PIEZO2: variants seen among roughly 807,000 people sequenced by gnomAD.
PIEZO2 encodes the protein piezo-type mechanosensitive ion channel component 2.
A neutral mutation model predicts 337.3 loss-of-function variants in PIEZO2; 172 were observed. The ratio of observed to expected loss-of-function variants is 0.51; its 90% CI spans 0.45 to 0.58. The LOEUF is 0.58. Among genes scored for constraint, PIEZO2 ranks in the 20% least tolerant of loss-of-function variants. PIEZO2 has a pLI of 0.00. For missense variants in PIEZO2, 3,028 were observed against 3,391.3 expected (o/e 0.89, Z 2.66); for synonymous variants, 1,251 against 1,228.5 (o/e 1.02, Z -0.38).
chr18:11,025,711 G>A (rs2036516835), intron 2 of PIEZO2, among the ~76,000 whole-genome samples: 1 of 152,180 alleles, frequency 6.6e-6, no homozygotes, highest in Non-Finnish European at 1.5e-5. Context: ...GACACAGATA[G>A]GGGAAGAGGC....
rs2041830703 is a variant in PIEZO2 at position 10,859,977 on chromosome 18, A to G, written c.493-2766T>C. ...GAAGTTTAAAGTGGGGAGGAAGGAT[A>G]GATGATAATCAGGGTAGCTCCTCTA... On this transcript the variant is annotated intron_variant, in intron 5 of 55. Coordinates refer to ENST00000674853, the MANE Select transcript of PIEZO2 (RefSeq NM_001378183.1). The surrounding 1 kb of genome is among the most constrained non-coding windows in gnomAD (Gnocchi z 4.9). 6.6e-6 allele frequency among the ~76,000 whole-genome samples: 1 copy of G among 152,176 alleles called. No homozygotes were observed. The highest frequency in any genetic ancestry group is 2.1e-4 in the South Asian group (1 of 4,836).
intron 4 of PIEZO2, among the ~76,000 whole-genome samples, chr18:10,886,511 T>TATATA (rs2042613445): frequency 1.7e-5 from 2 of 118,364 alleles, no homozygotes; most frequent in East Asian, 2.3e-4. Flanking sequence ...CATATACACA[T>TATATA]TATATATATA....
chr18:10,809,523 C>T (rs960713971), intron 7 of PIEZO2, among the ~76,000 whole-genome samples: 14 of 151,454 alleles, frequency 9.2e-5, no homozygotes, highest in Admixed American at 1.3e-4. Flanking sequence ...CCACCTTGGC[C>T]TCCCAAAGTG....
intron 3 of PIEZO2, among the ~76,000 whole-genome samples, chr18:10,968,900 C>T (rs908435942): frequency 1.3e-5 from 2 of 152,102 alleles, no homozygotes; most frequent in Admixed American, 6.5e-5. Context: ...CTTCTAGATG[C>T]CTAAATTATA....
chr18:10,997,795 A>G (rs980769338), intron 2 of PIEZO2, among the ~76,000 whole-genome samples: 13 of 152,192 alleles, frequency 8.5e-5, no homozygotes, highest in Non-Finnish European at 1.5e-4. Context: ...AAAAAGGTCT[A>G]TCATTTGCAT....
intron 47 of PIEZO2, 113 bp from the exon 48 acceptor site, chr18:10,691,496 C>A: frequency 8.9e-7 from 1 of 1,118,128 alleles, no homozygotes; most frequent in South Asian, 1.6e-5. Flanking sequence ...ATCATTCCAA[C>A]TCAATTCTAA....
In PIEZO2 at chr18:11,002,557, CA is replaced by C. The variant is rs567250329; in HGVS notation, c.161-22898del. On this transcript the variant is annotated intron_variant, in intron 2 of 55. Transcript: ENST00000674853. The surrounding 1 kb of genome is among the most constrained non-coding windows in gnomAD (Gnocchi z 4.3). ...AGCTCCCTGGAGAAGACCCCACACA[CA>C]CTTTCACTTTCTCTAATTTCACCAT... Among the ~76,000 whole-genome samples the C allele has an allele frequency of 1.1e-3, 166 of 152,348 alleles. No homozygotes were observed. The highest frequency in any genetic ancestry group is 3.8e-3 in the African/African-American group (159 of 41,596).
intron 14 of PIEZO2, 118 bp from the exon 15 acceptor site, chr18:10,789,483 G>T: frequency 8.2e-7 from 1 of 1,218,036 alleles, no homozygotes; most frequent in South Asian, 1.7e-5. Flanking sequence ...GTATAATTTG[G>T]ATGATTTTAG....
Position 10,736,627 on chromosome 18 carries a change from G to T in PIEZO2, c.4792C>A (p.Pro1598Thr), listed in dbSNP as rs2037006423. The T allele has an allele frequency of 6.5e-7, 1 of 1,537,110 alleles. No homozygotes were observed. Among genetic ancestry groups the T allele is most frequent in the Non-Finnish European group, 8.7e-7 (1 of 1,146,856 alleles). Residue 1598 changes from proline to threonine, a missense_variant, in exon 34 of 56, where the codon CCT (proline) becomes ACT (threonine). By Grantham distance (38) the Pro-to-Thr change is conservative (BLOSUM62 -1). Transcript: ENST00000674853. ...EEELKKEDEEPPRRSAFQRAI... is the reference protein window; with the variant it reads ...EEELKKEDEETPRRSAFQRAI... ...ACCTGGAATGCTGACCTTCGTGGAG[G>T]TTCTTCATCTTCCTTCTTTAATTCT...
intron 4 of PIEZO2, among the ~76,000 whole-genome samples, chr18:10,905,348 C>T (rs779779334): frequency 2.3e-4 from 35 of 152,158 alleles, no homozygotes; most frequent in Non-Finnish European, 4.6e-4. Flanking sequence ...TTTTGGGAGG[C>T]GGAGGTGGGT....
At chr18:10,734,807 T>C (rs6505587) in intron 35 of PIEZO2, among the ~76,000 whole-genome samples, 124,778 of 151,964 alleles carry the variant, frequency 0.82, 51,603 homozygotes, top group African/African-American at 0.92. Flanking sequence ...GGGACCCGAA[T>C]GAGAGACGGA....
chr18:10,919,223 T>A (rs1482599202), intron 3 of PIEZO2, among the ~76,000 whole-genome samples: 1 of 152,106 alleles, frequency 6.6e-6, no homozygotes, highest in Non-Finnish European at 1.5e-5. Flanking sequence ...CATTGTCTAT[T>A]AGATGTTTGT....
In PIEZO2 at chr18:10,752,850, A is replaced by G. The variant is rs754312134; in HGVS notation, c.3953T>C (p.Ile1318Thr). 9.8e-6 allele frequency: 15 copies of G among 1,536,966 alleles called. No individual in the cohort carries two copies. In the Admixed American group the frequency reaches 2.4e-4, roughly 24 times the overall value. ...RSYLDMSKVI[I>T]FSYLFWFVLT... ...CACAAACCAGAAGAGGTAGCTGAAGATGATCACTTTGGACATGTCTAAGTA... is the reference window on the plus strand; with the variant it reads ...CACAAACCAGAAGAGGTAGCTGAAGGTGATCACTTTGGACATGTCTAAGTA... Residue 1318 changes from isoleucine (I) to threonine (T), a missense_variant, in exon 28 of 56, where the codon ATC (isoleucine) becomes ACC (threonine). Ile to Thr is a moderately conservative substitution (Grantham distance 89). This residue lies in a region of PIEZO2 where 1,925 missense variants were observed against 2,051.9 expected (regional missense o/e 0.94). Coordinates refer to ENST00000674853, the MANE Select transcript of PIEZO2 (RefSeq NM_001378183.1).
chr18:10,936,872 G>A (rs1000067072), intron 3 of PIEZO2, among the ~76,000 whole-genome samples: 3 of 152,190 alleles, frequency 2.0e-5, no homozygotes, highest in Admixed American at 6.5e-5. Flanking sequence ...CAGGAATCCT[G>A]CAGTGAAACC....
At chr18:10,712,456 A>C (rs1398861635) in intron 39 of PIEZO2, among the ~76,000 whole-genome samples, 1 of 152,280 alleles carries the variant, frequency 6.6e-6, no homozygotes, top group East Asian at 1.9e-4. Context: ...TGTTGCAATA[A>C]GAATGAATTT....
At chr18:10,851,621 G>A (rs1198869815) in intron 7 of PIEZO2, among the ~76,000 whole-genome samples, 2 of 152,092 alleles carry the variant, frequency 1.3e-5, no homozygotes, top group Non-Finnish European at 1.5e-5. Flanking sequence ...GCTTGTTTTG[G>A]TGCCATGTAT....
intron 49 of PIEZO2, among the ~76,000 whole-genome samples, chr18:10,687,913 A>G (rs1330541229): frequency 2.6e-5 from 4 of 152,242 alleles, no homozygotes; most frequent in Non-Finnish European, 5.9e-5. Context: ...AAGACTATCC[A>G]GTGGAGCCCA....
intron 2 of PIEZO2, among the ~76,000 whole-genome samples, chr18:10,991,781 T>C (rs1342189392): frequency 6.6e-6 from 1 of 152,196 alleles, no homozygotes; most frequent in African/African-American, 2.4e-5. Flanking sequence ...TATTTCTAGT[T>C]CTAGATCCTT....
At chr18:10,730,947 CGATCTCCTGACCTCGT>C (rs2036745183) in intron 36 of PIEZO2, among the ~76,000 whole-genome samples, 1 of 151,986 alleles carries the variant, frequency 6.6e-6, no homozygotes, top group South Asian at 2.1e-4. Context: ...AGGATGGTCT[CGATCTCCTGACCTCGT>C]GATCCACTCG....
Sources: gnomAD v4.1 joint callset for allele counts (sites outside exome capture counted in the v4.1 genomes callset) on GRCh38, gnomAD v4.1.1 for gene constraint, gnomAD v4.1.1 regional missense constraint, Gnocchi (gnomAD v3.1) non-coding constraint, MANE v1.5 for transcripts, NCBI Gene and HGNC (gene_info 2026-07-23, HGNC 2026-07-21) for gene names.